C3orf49: variants seen among roughly 807,000 people sequenced by gnomAD.
C3orf49 encodes the protein chromosome 3 open reading frame 49, also known as putative uncharacterized protein C3orf49.
Under a neutral mutation model 13.3 loss-of-function variants are expected in C3orf49, and 27 were observed. That is an observed-to-expected ratio of 2.02 (90% CI 1.49 to 2.79). C3orf49 has a LOEUF of 2.79. Among genes scored for constraint, C3orf49 ranks in the 30% most tolerant of loss-of-function variants. The pLI, the probability that C3orf49 is intolerant of heterozygous loss-of-function variation, is 0.00. For missense variants in C3orf49, 242 were observed against 134.2 expected, an observed-to-expected ratio of 1.80 and a Z score of -3.97; for synonymous variants, 87 against 47.6, an observed-to-expected ratio of 1.83 and a Z score of -3.40.
At chr3:63,795,087 C>G in the C3orf49 span, among the ~76,000 whole-genome samples, 2 of 152,018 alleles carry the variant, frequency 1.3e-5, no homozygotes, top group African/African-American at 4.8e-5. Context: ...GCGGGCAGAG[C>G]CTTTGTTTGC....
At chr3:63,805,944 GT>G in the C3orf49 span, among the ~76,000 whole-genome samples, 1 of 152,172 alleles carries the variant, frequency 6.6e-6, no homozygotes, top group Admixed American at 6.5e-5. Flanking sequence ...ATTTGTTTTG[GT>G]TTTGTTTTTT....
chr3:63,789,810 CA>C, the C3orf49 span, among the ~76,000 whole-genome samples: 853 of 49,656 alleles, frequency 0.017, 2 homozygotes, highest in African/African-American at 0.05. Context: ...GACTCTGTCT[CA>C]AAAAAAAAAA....
chr3:63,790,451 G>A, the C3orf49 span, among the ~76,000 whole-genome samples: 1 of 152,184 alleles, frequency 6.6e-6, no homozygotes, highest in Non-Finnish European at 1.5e-5. Context: ...ACCACCTGGA[G>A]AGCTTTAAAT....
chr3:63,805,559 T>C, the C3orf49 span, among the ~76,000 whole-genome samples: 3 of 152,326 alleles, frequency 2.0e-5, no homozygotes, highest in South Asian at 6.2e-4. Context: ...CAGCATAAGC[T>C]TCATGTTCAC....
intron 1 of C3orf49, among the ~76,000 whole-genome samples, chr3:63,819,858 C>T (rs796475967): frequency 6.6e-6 from 1 of 152,204 alleles, no homozygotes; most frequent in African/African-American, 2.4e-5. Context: ...AAGTTCTGAT[C>T]CTATGTTGAT....
the C3orf49 span, among the ~76,000 whole-genome samples, chr3:63,805,746 C>G: frequency 6.6e-6 from 1 of 152,146 alleles, no homozygotes; most frequent in Non-Finnish European, 1.5e-5. Flanking sequence ...GGAGAAAATA[C>G]CTTTATTACA....
intron 5 of C3orf49, chr3:63,833,902 G>T: frequency 4.5e-6 from 2 of 439,728 alleles, no homozygotes; most frequent in Non-Finnish European, 8.0e-6. Context: ...AAGCATTTTT[G>T]GATGTTGCTT....
intron 5 of C3orf49, chr3:63,832,981 G>T (rs950971627): frequency 3.9e-5 from 6 of 152,052 alleles, no homozygotes; most frequent in Non-Finnish European, 4.4e-5. Flanking sequence ...AAAATAAATG[G>T]ATAAGGATGG....
At chr3:63,781,415 A>G in the C3orf49 span, among the ~76,000 whole-genome samples, 4 of 152,140 alleles carry the variant, frequency 2.6e-5, no homozygotes, top group Admixed American at 2.0e-4. Flanking sequence ...GTTTGAAGTC[A>G]GGTAACGTGA....
chr3:63,835,340 T>C lies in C3orf49; in HGVS notation c.849+3496T>C, dbSNP rs1330507621. ...TGCGAATACCTTATCTTCAACACTTTCTTTAATGTGTGAAAGATGCTCTAA... is the reference window on the plus strand; with the variant it reads ...TGCGAATACCTTATCTTCAACACTTCCTTTAATGTGTGAAAGATGCTCTAA... On this transcript the variant is annotated intron_variant, in intron 5 of 6. Coordinates refer to ENST00000295896, the MANE Select transcript of C3orf49 (RefSeq NM_001355236.2). 2 of 1,613,586 alleles carry C rather than the reference T, an allele frequency of 1.2e-6. No individual in the cohort carries two copies. The highest frequency in any genetic ancestry group is 3.3e-5 in the Admixed American group (2 of 60,018).
chr3:63,785,065 CTTTTTT>C, the C3orf49 span, among the ~76,000 whole-genome samples: 4 of 64,944 alleles, frequency 6.2e-5, no homozygotes, highest in East Asian at 5.1e-4. Flanking sequence ...TCTTCTTCTT[CTTTTTT>C]TTTTTTTTTT....
intron 1 of C3orf49, among the ~76,000 whole-genome samples, chr3:63,819,975 C>G (rs1701373679): frequency 6.6e-6 from 1 of 152,196 alleles, no homozygotes; most frequent in Non-Finnish European, 1.5e-5. Context: ...TGCTTTCTTT[C>G]TCCTATCCCA....
rs1701370096 is a variant in C3orf49 at position 63,819,654 on chromosome 3, G to C, written c.125+58G>C. 4 of 699,858 alleles carry C rather than the reference G, an allele frequency of 5.7e-6. No individual in the cohort carries two copies. The East Asian group carries it at 1.1e-4, about 19-fold the overall frequency. 43.4% of individuals were successfully genotyped at this position (699,858 alleles called of 1,614,324 possible). ...GAGAGTCTTTGGGTTTGGCATAGTG[G>C]CATGTCCTTTTAAGCATTGCATTTA... On this transcript the variant is annotated intron_variant, in intron 1 of 6. Transcript: ENST00000295896.
intron 5 of C3orf49, 25 bp from the exon 6 acceptor site, chr3:63,844,998 T>G (rs1352861741): frequency 2.9e-6 from 2 of 689,252 alleles, no homozygotes; most frequent in Non-Finnish European, 5.3e-6. Context: ...ATCTTTACAT[T>G]TGTTGTAATT....
At chr3:63,846,505 T>C (rs1341915657) in intron 6 of C3orf49, among the ~76,000 whole-genome samples, 1 of 152,118 alleles carries the variant, frequency 6.6e-6, no homozygotes, top group East Asian at 1.9e-4. Flanking sequence ...TCTCCTGGGT[T>C]CAAGCTATTC....
chr3:63,834,188 G>A (rs780301987), intron 5 of C3orf49: 1 of 1,613,970 alleles, frequency 6.2e-7, no homozygotes, highest in African/African-American at 1.3e-5. Context: ...ACCTCTGAGA[G>A]TTTTTCATCA....
upstream of C3orf49, among the ~76,000 whole-genome samples, chr3:63,817,193 A>G (rs1440180956): frequency 1.3e-5 from 2 of 152,134 alleles, no homozygotes; most frequent in Admixed American, 1.3e-4. Context: ...CCCGTTCAGC[A>G]TTCAGGACCA....
At chr3:63,810,902 A>T in the C3orf49 span, among the ~76,000 whole-genome samples, 1 of 152,314 alleles carries the variant, frequency 6.6e-6, no homozygotes, top group African/African-American at 2.4e-5. Context: ...GCTGGAGTGC[A>T]GTGGTGCGAT....
intron 5 of C3orf49, chr3:63,836,371 A>C (rs1259514135): frequency 2.5e-6 from 4 of 1,611,128 alleles, no homozygotes; most frequent in Non-Finnish European, 3.4e-6. Flanking sequence ...GTAAGACATA[A>C]AAATATTTAT....
Sources: allele counts gnomAD v4.1 joint callset (sites outside exome capture counted in the v4.1 genomes callset), GRCh38; gene constraint gnomAD v4.1.1; transcripts MANE v1.5; gene names NCBI Gene and HGNC (gene_info 2026-07-23, HGNC 2026-07-21).